The following HSD17B4 variants were observed in gnomAD, a reference collection of about 807,000 sequenced individuals.
The protein encoded by HSD17B4 is hydroxysteroid 17-beta dehydrogenase 4.
In HSD17B4, 70 loss-of-function variants were observed where a neutral mutation model predicts 101.0. The ratio of observed to expected loss-of-function variants is 0.69; its 90% CI spans 0.57 to 0.85. HSD17B4 has a LOEUF of 0.85. Among genes scored for constraint, HSD17B4 ranks in the 40% least tolerant of loss-of-function variants. The pLI is 0.00. For missense variants in HSD17B4, 984 were observed against 892.4 expected (o/e 1.10, Z -1.31); for synonymous variants, 347 against 297.1 (o/e 1.17, Z -1.73).
chr5:119,516,526 G>A (rs925479163), intron 17 of HSD17B4, among the ~76,000 whole-genome samples: 3 of 151,756 alleles, frequency 2.0e-5, no homozygotes, highest in Non-Finnish European at 4.4e-5. Context: ...GACAAAAGAC[G>A]GTTTTTAAAT....
Position 119,452,513 on chromosome 5 carries a change from TG to T in HSD17B4, c.-62del, listed in dbSNP as rs1754140245. On this transcript the variant is annotated 5_prime_UTR_variant, in exon 1 of 24. Coordinates refer to ENST00000510025, the MANE Select transcript of HSD17B4 (RefSeq NM_000414.4). Reference sequence around the variant, plus strand: ...GCCCCCGCCATTCCCCGCCTCCTCCTGTCCCGCAGTCGGCGTCCAGCGGCTC... The same window carrying T: ...GCCCCCGCCATTCCCCGCCTCCTCCTTCCCGCAGTCGGCGTCCAGCGGCTC... 3 of 1,612,664 alleles carry T rather than the reference TG, an allele frequency of 1.9e-6. No homozygotes were observed. The highest frequency in any genetic ancestry group is 2.7e-5 in the African/African-American group (2 of 74,902).
chr5:119,539,291 A>G (rs1361474426), intron 23 of HSD17B4, among the ~76,000 whole-genome samples: 32 of 152,158 alleles, frequency 2.1e-4, no homozygotes, highest in Non-Finnish European at 1.5e-5. Context: ...TTGTAGGGAC[A>G]TGGATGAAGC....
intron 1 of HSD17B4, among the ~76,000 whole-genome samples, chr5:119,454,196 C>T (rs886978687): frequency 2.6e-5 from 4 of 152,312 alleles, no homozygotes; most frequent in Admixed American, 6.5e-5. Flanking sequence ...GTAATTGTAA[C>T]CCACAAAATT....
rs76693934 is a variant in HSD17B4, at chr5:119,524,470, C to G, written c.1504-746C>G. Among the ~76,000 whole-genome samples, 8 of 152,202 alleles carry G rather than the reference C, an allele frequency of 5.3e-5. No homozygotes were observed. In the East Asian group the frequency reaches 1.5e-3, roughly 29 times the overall value. The stretch of plus-strand genomic sequence containing the variant: ...AGTCTTGAGGCTGACCTAAAAGGGT[C>G]GGTCAAGTTTACAGATACATTAAAT... On this transcript the variant is annotated intron_variant, in intron 17 of 23. Transcript: ENST00000510025.
intron 16 of HSD17B4, among the ~76,000 whole-genome samples, chr5:119,511,856 T>C (rs199837176): frequency 2.0e-5 from 3 of 151,800 alleles, no homozygotes; most frequent in East Asian, 3.9e-4. Flanking sequence ...AATTATAAGA[T>C]ATGGAAGAAA....
intron 14 of HSD17B4, among the ~76,000 whole-genome samples, chr5:119,504,782 G>T (rs182728393): frequency 9.1e-4 from 139 of 152,108 alleles, no homozygotes; most frequent in Non-Finnish European, 5.3e-4. Context: ...TCTTTGTTTT[G>T]ATCGTAATTG....
At chr5:119,503,269 G>C (rs1751351267) in intron 14 of HSD17B4, among the ~76,000 whole-genome samples, 1 of 152,150 alleles carries the variant, frequency 6.6e-6, no homozygotes, top group South Asian at 2.1e-4. Flanking sequence ...TCTGCCGTTA[G>C]GGATTTTAAA....
At chr5:119,515,314 G>A (rs1275118300) in intron 17 of HSD17B4, among the ~76,000 whole-genome samples, 1 of 152,030 alleles carries the variant, frequency 6.6e-6, no homozygotes, top group African/African-American at 2.4e-5. Flanking sequence ...TGTTGGTAAT[G>A]GAGTGCTTTC....
At chr5:119,460,208 A>T (rs1181958926) in intron 2 of HSD17B4, among the ~76,000 whole-genome samples, 3 of 152,170 alleles carry the variant, frequency 2.0e-5, no homozygotes, top group African/African-American at 7.2e-5. Flanking sequence ...CACATCAGGG[A>T]TTAAATTTCA....
At chr5:119,477,536 G>C in intron 7 of HSD17B4, 35 bp downstream of exon 7, 1 of 1,418,234 alleles carries the variant, frequency 7.1e-7, no homozygotes, top group Non-Finnish European at 1.0e-6. Flanking sequence ...GGGGATTTAA[G>C]ATGTTGTGTC....
intron 23 of HSD17B4, among the ~76,000 whole-genome samples, chr5:119,538,269 C>G (rs1754696881): frequency 6.6e-6 from 1 of 152,022 alleles, no homozygotes; most frequent in Admixed American, 6.6e-5. Flanking sequence ...CCTTTCCTTC[C>G]TTACTTCTGT....
intron 21 of HSD17B4, among the ~76,000 whole-genome samples, chr5:119,530,396 A>G (rs1753963716): frequency 6.6e-6 from 1 of 152,112 alleles, no homozygotes. Context: ...AAAACATTGT[A>G]TTATTTATTA....
intron 6 of HSD17B4, among the ~76,000 whole-genome samples, chr5:119,476,098 A>G (rs1206497835): frequency 6.6e-6 from 1 of 152,200 alleles, no homozygotes; most frequent in Non-Finnish European, 1.5e-5. Flanking sequence ...GAAGATATCT[A>G]AAAGGATTTT....
intron 16 of HSD17B4, among the ~76,000 whole-genome samples, chr5:119,509,843 A>G (rs1466897957): frequency 6.6e-6 from 1 of 152,192 alleles, no homozygotes; most frequent in Non-Finnish European, 1.5e-5. Context: ...AACGTTTCCT[A>G]GCTCATTTTA....
chr5:119,470,376 C>T (rs1434468102), intron 2 of HSD17B4, among the ~76,000 whole-genome samples: 1 of 152,054 alleles, frequency 6.6e-6, no homozygotes, highest in East Asian at 1.9e-4. Flanking sequence ...AGAATGCACA[C>T]CAGCAGTGGT....
At chr5:119,505,608 T>C (rs989066394) in intron 14 of HSD17B4, among the ~76,000 whole-genome samples, 2 of 152,190 alleles carry the variant, frequency 1.3e-5, no homozygotes, top group African/African-American at 4.8e-5. Flanking sequence ...CTGAAACTTT[T>C]ACTTGACTCA....
chr5:119,469,552 A>G (rs56050317), intron 2 of HSD17B4, among the ~76,000 whole-genome samples: 22,340 of 152,038 alleles, frequency 0.15, 2,724 homozygotes, highest in African/African-American at 0.34. Flanking sequence ...ATGTAGTTTC[A>G]TCATGTTGGC....
At position 119,516,427 on chromosome 5, in the gene HSD17B4, A is replaced by G. The variant is rs142917795; in HGVS notation, c.1503+1381A>G. ...CAAGGTTTGAATTTCTACGCACAGT[A>G]AGTAGTGGGGTTTTCTTTCTTTTGT... On this transcript the variant is annotated intron_variant, in intron 17 of 23. Coordinates refer to ENST00000510025, the MANE Select transcript of HSD17B4 (RefSeq NM_000414.4). Among the ~76,000 whole-genome samples, 42 of 152,282 alleles carry G rather than the reference A, an allele frequency of 2.8e-4. No homozygotes were observed. The East Asian group carries it at 7.3e-3, about 27-fold the overall frequency.
intron 2 of HSD17B4, among the ~76,000 whole-genome samples, chr5:119,460,252 A>G (rs1461636765): frequency 6.6e-6 from 1 of 152,174 alleles, no homozygotes; most frequent in East Asian, 1.9e-4. Flanking sequence ...TATTTAAACC[A>G]TCCCAGGCTG....
Sources: allele counts gnomAD v4.1 joint callset (sites outside exome capture counted in the v4.1 genomes callset), GRCh38; gene constraint gnomAD v4.1.1; transcripts MANE v1.5; gene names NCBI Gene and HGNC (gene_info 2026-07-23, HGNC 2026-07-21).